The following TNRC6B variants were observed in gnomAD, a reference collection of about 807,000 sequenced individuals.
TNRC6B encodes the protein trinucleotide repeat containing adaptor 6B, also known as trinucleotide repeat-containing gene 6B protein.
In TNRC6B, 52 loss-of-function variants were observed where a neutral mutation model predicts 203.6. That is an observed-to-expected ratio of 0.26 (90% CI 0.20 to 0.32). The LOEUF (loss-of-function observed/expected upper bound fraction) is 0.32, where lower values mean the gene tolerates loss of function less well. Among genes scored for constraint, TNRC6B ranks in the 10% least tolerant of loss-of-function variants. TNRC6B has a pLI of 1.00. For missense variants in TNRC6B, 1,923 were observed against 2,286.2 expected, an observed-to-expected ratio of 0.84 and a Z score of 3.24; for synonymous variants, 838 against 845.7, an observed-to-expected ratio of 0.99 and a Z score of 0.16.
upstream of TNRC6B, among the ~76,000 whole-genome samples, chr22:40,176,780 G>T (rs1275216859): frequency 6.6e-6 from 1 of 152,198 alleles, no homozygotes; most frequent in Non-Finnish European, 1.5e-5. Context: ...TATTATGGGA[G>T]TGTTAACAGG....
chr22:40,286,349 A>G (rs2070781320), intron 12 of TNRC6B, among the ~76,000 whole-genome samples: 1 of 152,190 alleles, frequency 6.6e-6, no homozygotes, highest in Admixed American at 6.5e-5. Context: ...ATAAAGAACA[A>G]AACAAAAATT....
At chr22:40,077,073 GAGA>G (rs901407236) in intron 1 of TNRC6B, among the ~76,000 whole-genome samples, 1 of 147,408 alleles carries the variant, frequency 6.8e-6, no homozygotes, top group African/African-American at 2.5e-5. Flanking sequence ...AAAGAAAAGA[GAGA>G]AGAGGAGAGG....
At chr22:40,096,870 A>G (rs2068189788) in intron 1 of TNRC6B, among the ~76,000 whole-genome samples, 1 of 152,228 alleles carries the variant, frequency 6.6e-6, no homozygotes, top group Non-Finnish European at 1.5e-5. Context: ...AGCTTTGTCA[A>G]CATTGTTCTG....
chr22:40,062,172 C>T (rs1303812630), intron 1 of TNRC6B, among the ~76,000 whole-genome samples: 2 of 152,066 alleles, frequency 1.3e-5, no homozygotes, highest in Non-Finnish European at 1.5e-5. Context: ...TGTTATAAAT[C>T]CCACAATATG....
intron 1 of TNRC6B, among the ~76,000 whole-genome samples, chr22:40,216,999 C>G (rs1443706746): frequency 6.6e-6 from 1 of 152,146 alleles, no homozygotes; most frequent in South Asian, 2.1e-4. Flanking sequence ...CCTAAAACTT[C>G]CTATATTCCA....
chr22:40,051,352 T>C (rs1298479389), intron 1 of TNRC6B, among the ~76,000 whole-genome samples: 1 of 152,252 alleles, frequency 6.6e-6, no homozygotes, highest in Non-Finnish European at 1.5e-5. Flanking sequence ...ACCTTGGTTG[T>C]CCAGGCTGGG....
intron 12 of TNRC6B, among the ~76,000 whole-genome samples, chr22:40,296,778 C>A (rs1412242755): frequency 6.6e-6 from 1 of 152,134 alleles, no homozygotes; most frequent in African/African-American, 2.4e-5. Context: ...CAGGCGCTTG[C>A]CACCATGCCT....
intron 4 of TNRC6B, among the ~76,000 whole-genome samples, chr22:40,263,783 C>T (rs1179767406): frequency 6.6e-6 from 1 of 152,170 alleles, no homozygotes; most frequent in Non-Finnish European, 1.5e-5. Flanking sequence ...ACTCATGTGA[C>T]ACCCCTGCCA....
At chr22:40,064,844 T>C (rs1443934640) in intron 1 of TNRC6B, among the ~76,000 whole-genome samples, 1 of 152,078 alleles carries the variant, frequency 6.6e-6, no homozygotes, top group Non-Finnish European at 1.5e-5. Context: ...CTTGAACTCC[T>C]GACCTCAGGT....
intron 3 of TNRC6B, among the ~76,000 whole-genome samples, chr22:40,153,503 A>C (rs1406976523): frequency 6.6e-6 from 1 of 151,808 alleles, no homozygotes; most frequent in African/African-American, 2.4e-5. Flanking sequence ...TCTGTTGGAG[A>C]GTTTGAGGAT....
intron 1 of TNRC6B, among the ~76,000 whole-genome samples, chr22:40,217,604 T>C (rs1304056501): frequency 6.6e-6 from 1 of 152,224 alleles, no homozygotes; most frequent in East Asian, 1.9e-4. Context: ...AAAAGTAGAC[T>C]ATGCAGATGC....
intron 1 of TNRC6B, among the ~76,000 whole-genome samples, chr22:40,219,947 G>A (rs367971109): frequency 4.6e-5 from 7 of 152,276 alleles, no homozygotes; most frequent in East Asian, 1.9e-4. Flanking sequence ...AGAACAAAGC[G>A]TGGCCTATGG....
chr22:40,227,320 G>A (rs1381345340), intron 1 of TNRC6B, among the ~76,000 whole-genome samples: 2 of 144,492 alleles, frequency 1.4e-5, no homozygotes, highest in South Asian at 4.4e-4. Flanking sequence ...AAGTACTGGG[G>A]TTATAGGCGT....
Position 40,283,200 on chromosome 22 carries a change from G to A in TNRC6B, c.3582+1911G>A, listed in dbSNP as rs529216670. The stretch of plus-strand genomic sequence containing the variant: ...ACCACAGGCTCCCGCAACCACGCCC[G>A]GCTAATTTTTTGTATTTTTAGTAGA... On this transcript the variant is annotated intron_variant, in intron 11 of 22. Transcript: ENST00000454349. 2.3e-4 allele frequency among the ~76,000 whole-genome samples: 35 copies of A among 152,048 alleles called. No individual in the cohort carries two copies. The South Asian group carries it at 3.7e-3, about 16-fold the overall frequency.
chr22:40,100,568 A>T (rs1601815016), intron 1 of TNRC6B, among the ~76,000 whole-genome samples: 1 of 152,108 alleles, frequency 6.6e-6, no homozygotes, highest in Non-Finnish European at 1.5e-5. Flanking sequence ...ATTTATAGAC[A>T]TGGAGTCTTA....
rs1047114472 is a variant in TNRC6B, at chr22:40,298,164, AT to A, written c.3709-2289del. On this transcript the variant is annotated intron_variant, in intron 12 of 22. Transcript: ENST00000454349. ...AAAATAAAAATAAATTTAAAAAATC[AT>A]TAAAAAAAACCCAGCTACATGGGTT... Among the ~76,000 whole-genome samples the A allele has an allele frequency of 7.6e-3, 1,155 of 151,946 alleles. 8 individuals are homozygous for A. Among genetic ancestry groups the A allele is most frequent in the African/African-American group, 0.025 (1,055 of 41,412 alleles).
chr22:40,272,939 G>T (rs1280001175), intron 6 of TNRC6B, among the ~76,000 whole-genome samples: 1 of 151,926 alleles, frequency 6.6e-6, no homozygotes, highest in African/African-American at 2.4e-5. Flanking sequence ...CCCTTTTCAT[G>T]TTCTGTTCGT....
exon 3 of TNRC6B, chr22:40,125,830 G>A: frequency 6.2e-7 from 1 of 1,612,444 alleles, no homozygotes; most frequent in Non-Finnish European, 8.5e-7. Flanking sequence ...GCAAACCAAT[G>A]AGGGAGAAGT....
intron 12 of TNRC6B, among the ~76,000 whole-genome samples, chr22:40,298,257 G>T (rs2070972467): frequency 6.6e-6 from 1 of 152,184 alleles, no homozygotes; most frequent in Non-Finnish European, 1.5e-5. Context: ...ATTAAGCTTA[G>T]TGTGTGAATC....
Sources: gnomAD v4.1 joint callset for allele counts (sites outside exome capture counted in the v4.1 genomes callset) on GRCh38, gnomAD v4.1.1 for gene constraint, MANE v1.5 for transcripts, NCBI Gene and HGNC (gene_info 2026-07-23, HGNC 2026-07-21) for gene names.